Variants in CDH20 observed in about 807,000 individuals in gnomAD.
CDH20 encodes the protein cadherin-20.
CDH20 carries 29 observed loss-of-function variants against 74.2 expected under a neutral mutation model. That is an observed-to-expected ratio of 0.39 (90% CI 0.29 to 0.53). The LOEUF is 0.53. Ranked by LOEUF, CDH20 falls within the 20% of genes least tolerant of loss-of-function variation. The pLI is 0.69. For synonymous variants in CDH20, 469 were observed against 405.4 expected (o/e 1.16, Z -1.88); for missense variants, 988 against 1,048.3 (o/e 0.94, Z 0.79).
chr18:61,480,027 A>C (rs982560384), intron 1 of CDH20, among the ~76,000 whole-genome samples: 3 of 152,232 alleles, frequency 2.0e-5, no homozygotes, highest in African/African-American at 7.2e-5. Flanking sequence ...AGGGTAGAAT[A>C]AAAACATTCT....
At chr18:61,513,511 T>C (rs1911861337) in intron 6 of CDH20, among the ~76,000 whole-genome samples, 1 of 137,892 alleles carries the variant, frequency 7.3e-6, no homozygotes, top group South Asian at 2.6e-4. Context: ...TTAAAGTTAA[T>C]ATTGTTATGT....
chr18:61,418,288 C>T (rs1047212291), intron 1 of CDH20, among the ~76,000 whole-genome samples: 1 of 152,110 alleles, frequency 6.6e-6, no homozygotes, highest in Non-Finnish European at 1.5e-5. Context: ...GGCGTGGTGG[C>T]TCACGCCTGT....
At chr18:61,336,817 T>TTG (rs1568099484) in intron 1 of CDH20, among the ~76,000 whole-genome samples, 1 of 142,464 alleles carries the variant, frequency 7.0e-6, no homozygotes, top group African/African-American at 2.6e-5. Flanking sequence ...CCAGAATATA[T>TTG]GGGGGGGGGT....
chr18:61,370,460 C>T (rs1264001944), intron 1 of CDH20, among the ~76,000 whole-genome samples: 1 of 152,008 alleles, frequency 6.6e-6, no homozygotes, highest in Non-Finnish European at 1.5e-5. Flanking sequence ...AAATGATCAC[C>T]ATATTACTTC....
At chr18:61,453,381 G>C (rs1307295368) in intron 1 of CDH20, among the ~76,000 whole-genome samples, 1 of 152,136 alleles carries the variant, frequency 6.6e-6, no homozygotes, top group Non-Finnish European at 1.5e-5. Flanking sequence ...GGGTTCAAGT[G>C]ATTCCCCTGC....
At chr18:61,480,198 A>G (rs1910539563) in intron 1 of CDH20, among the ~76,000 whole-genome samples, 1 of 152,198 alleles carries the variant, frequency 6.6e-6, no homozygotes, top group Non-Finnish European at 1.5e-5. Flanking sequence ...CCAAATTAAG[A>G]AAGTTAAAAT....
intron 1 of CDH20, among the ~76,000 whole-genome samples, chr18:61,447,166 G>A (rs773521279): frequency 4.6e-5 from 7 of 152,176 alleles, no homozygotes; most frequent in Non-Finnish European, 7.3e-5. Context: ...AGAGAAACAC[G>A]AACGTTTGAA....
intron 1 of CDH20, among the ~76,000 whole-genome samples, chr18:61,471,768 C>G (rs1369706696): frequency 6.6e-6 from 1 of 152,140 alleles, no homozygotes; most frequent in African/African-American, 2.4e-5. Context: ...CTCAACAAAC[C>G]CATTCCTGGC....
chr18:61,349,025 T>C (rs1910221877), intron 1 of CDH20, among the ~76,000 whole-genome samples: 3 of 152,186 alleles, frequency 2.0e-5, no homozygotes, highest in Admixed American at 2.0e-4. Flanking sequence ...TTAAACTGCA[T>C]GTAGGCTGTG....
intron 1 of CDH20, among the ~76,000 whole-genome samples, chr18:61,348,608 G>T (rs753338070): frequency 9.2e-5 from 14 of 152,144 alleles, no homozygotes; most frequent in African/African-American, 1.2e-4. Context: ...TGCTGGGAAG[G>T]TTCTAAGTCC....
intron 1 of CDH20, among the ~76,000 whole-genome samples, chr18:61,455,640 T>A (rs1909549225): frequency 6.6e-6 from 1 of 152,158 alleles, no homozygotes; most frequent in Non-Finnish European, 1.5e-5. Context: ...GTTTTGGGTT[T>A]CTTCAATATG....
chr18:61,470,858 C>G (rs974180451), intron 1 of CDH20, among the ~76,000 whole-genome samples: 1 of 151,748 alleles, frequency 6.6e-6, no homozygotes, highest in Non-Finnish European at 1.5e-5. Flanking sequence ...ATTATATGAG[C>G]CTTCTTCTAT....
At chr18:61,347,054 C>T (rs1170236837) in intron 1 of CDH20, among the ~76,000 whole-genome samples, 2 of 151,830 alleles carry the variant, frequency 1.3e-5, no homozygotes, top group African/African-American at 4.8e-5. Context: ...TTTATAGTTG[C>T]TGTGATTTTA....
intron 5 of CDH20, among the ~76,000 whole-genome samples, chr18:61,506,391 G>A (rs536292547): frequency 6.6e-6 from 1 of 152,332 alleles, no homozygotes; most frequent in African/African-American, 2.4e-5. Context: ...AAGGCAGGGT[G>A]CTGTGAGCTG....
In CDH20 at chr18:61,333,839, G is replaced by A. The variant is rs1488443977; in HGVS notation, c.-153+12G>A. The stretch of plus-strand genomic sequence containing the variant: ...GCCGGCGGTGCCAGGTAACGCAGAG[G>A]GCTCGGGTCGGGCCCCGCTTCTGGG... On this transcript the variant is annotated intron_variant, in intron 1 of 11. Coordinates refer to ENST00000262717, the MANE Select transcript of CDH20 (RefSeq NM_031891.4). 1 of 152,216 alleles carries A rather than the reference G, an allele frequency of 6.6e-6. No individual in the cohort carries two copies. Among genetic ancestry groups the A allele is most frequent in the Non-Finnish European group, 1.5e-5 (1 of 68,104 alleles). The allele number at this position is 152,216 out of a possible 1,614,324, so 9.4% of individuals were successfully genotyped here.
chr18:61,354,240 C>T (rs1158779940), intron 1 of CDH20, among the ~76,000 whole-genome samples: 1 of 152,080 alleles, frequency 6.6e-6, no homozygotes, highest in Admixed American at 6.5e-5. Flanking sequence ...ACTTTTCCAA[C>T]AGTGAAAACA....
chr18:61,480,416 T>C (rs973655344), intron 1 of CDH20, among the ~76,000 whole-genome samples: 4 of 152,188 alleles, frequency 2.6e-5, no homozygotes, highest in Non-Finnish European at 4.4e-5. Flanking sequence ...CTTGATTTTA[T>C]ACATTTTAGG....
intron 7 of CDH20, among the ~76,000 whole-genome samples, chr18:61,529,110 T>G (rs559121067): frequency 6.6e-6 from 1 of 152,316 alleles, no homozygotes; most frequent in African/African-American, 2.4e-5. Flanking sequence ...GATGGACAGG[T>G]TGACACCACA....
chr18:61,498,387 G>A (rs1162317068), intron 2 of CDH20, among the ~76,000 whole-genome samples: 5 of 150,724 alleles, frequency 3.3e-5, no homozygotes, highest in Middle Eastern at 3.4e-3. Context: ...GTGACAGGGC[G>A]AAACTCTGTC....
Sources: allele counts gnomAD v4.1 joint callset (sites outside exome capture counted in the v4.1 genomes callset), GRCh38; gene constraint gnomAD v4.1.1; transcripts MANE v1.5; gene names NCBI Gene and HGNC (gene_info 2026-07-23, HGNC 2026-07-21).